Variants in KLHL1 observed in about 807,000 individuals in gnomAD.
KLHL1 encodes kelch like family member 1.
A neutral mutation model predicts 77.7 loss-of-function variants in KLHL1; 47 were observed. The observed-to-expected ratio is 0.60, with a 90% CI of 0.48 to 0.77. KLHL1 has a LOEUF of 0.77. Ranked by LOEUF, KLHL1 falls within the 30% of genes least tolerant of loss-of-function variation. The probability of loss-of-function intolerance (pLI) is 0.00; values close to 1 mark genes in which losing one functional copy is unlikely to be tolerated. For missense variants in KLHL1, 925 were observed against 910.8 expected (o/e 1.02, Z -0.20); for synonymous variants, 360 against 325.2 (o/e 1.11, Z -1.15).
intron 10 of KLHL1, among the ~76,000 whole-genome samples, 159 bp downstream of exon 10, chr13:69,707,466 T>C (rs551390539): frequency 6.8e-6 from 1 of 147,512 alleles, no homozygotes; most frequent in Non-Finnish European, 1.5e-5. Context: ...CAAGAATGTA[T>C]AATGAACTTT....
At chr13:70,005,957 C>A (rs1386609376) in intron 1 of KLHL1, among the ~76,000 whole-genome samples, 1 of 151,960 alleles carries the variant, frequency 6.6e-6, no homozygotes, top group Non-Finnish European at 1.5e-5. Context: ...GATCTCTAGA[C>A]CATTTTCATC....
chr13:70,093,250 A>G (rs1316846156), intron 1 of KLHL1, among the ~76,000 whole-genome samples: 1 of 152,082 alleles, frequency 6.6e-6, no homozygotes, highest in Non-Finnish European at 1.5e-5. Context: ...GAAATAGGAA[A>G]ATCAAGAACC....
intron 8 of KLHL1, among the ~76,000 whole-genome samples, chr13:69,738,989 G>A (rs1037322173): frequency 1.3e-5 from 2 of 152,064 alleles, no homozygotes; most frequent in African/African-American, 2.4e-5. Context: ...ACAATGCAAA[G>A]GGCAGCCAGA....
intron 1 of KLHL1, among the ~76,000 whole-genome samples, chr13:70,045,468 A>T (rs1886471630): frequency 6.6e-6 from 1 of 152,156 alleles, no homozygotes; most frequent in Non-Finnish European, 1.5e-5. Flanking sequence ...GAGGGCTAGA[A>T]GTAGAAGCCA....
At chr13:69,717,604 T>A (rs745460210) in intron 9 of KLHL1, among the ~76,000 whole-genome samples, 2 of 152,060 alleles carry the variant, frequency 1.3e-5, no homozygotes, top group Non-Finnish European at 2.9e-5. Context: ...TAAAGTCGAG[T>A]TGGATGAGAA....
At position 69,857,852 on chromosome 13, in the gene KLHL1, A is replaced by AAT. The variant is rs538264403; in HGVS notation, c.1228-18692_1228-18691dup. ...CCTAGAACTTAAAGTATAATATAAA[A>AAT]ATATATATATATAATGAAATTCATT... On this transcript the variant is annotated intron_variant, in intron 5 of 10. Transcript: ENST00000377844. Among the ~76,000 whole-genome samples the AAT allele has an allele frequency of 9.5e-3, 1,435 of 151,400 alleles. 22 individuals are homozygous for AAT. Among genetic ancestry groups the AAT allele is most frequent in the African/African-American group, 0.032 (1,333 of 41,406 alleles).
intron 6 of KLHL1, among the ~76,000 whole-genome samples, chr13:69,816,563 G>A (rs540763074): frequency 1.5e-4 from 23 of 152,050 alleles, no homozygotes; most frequent in African/African-American, 5.5e-4. Flanking sequence ...TGGCCTGGAA[G>A]TTGAATTTTT....
At chr13:69,841,024 T>G (rs1593878276) in intron 5 of KLHL1, among the ~76,000 whole-genome samples, 1 of 152,008 alleles carries the variant, frequency 6.6e-6, no homozygotes, top group African/African-American at 2.4e-5. Context: ...TCTTCTCTCC[T>G]TTTCACTCCT....
intron 7 of KLHL1, among the ~76,000 whole-genome samples, chr13:69,780,741 T>TATATAG (rs1876137600): frequency 1.6e-5 from 1 of 62,322 alleles, no homozygotes; most frequent in Non-Finnish European, 3.4e-5. Context: ...TACATATATA[T>TATATAG]ATACATATAT....
chr13:69,807,683 C>T (rs1877673383), intron 6 of KLHL1, among the ~76,000 whole-genome samples: 1 of 152,272 alleles, frequency 6.6e-6, no homozygotes, highest in African/African-American at 2.4e-5. Context: ...GACTGGAGAG[C>T]TTGCTCTGGA....
At chr13:70,083,834 C>T (rs1887453347) in intron 1 of KLHL1, among the ~76,000 whole-genome samples, 1 of 151,896 alleles carries the variant, frequency 6.6e-6, no homozygotes, top group Non-Finnish European at 1.5e-5. Context: ...TATATTTAAA[C>T]ACCACATTAT....
intron 4 of KLHL1, among the ~76,000 whole-genome samples, chr13:69,926,674 G>A (rs7338569): frequency 0.88 from 133,584 of 151,956 alleles, 59,331 homozygotes; most frequent in Non-Finnish European, 0.95. Context: ...CAGGCCGGGC[G>A]CGGTAGCTCA....
chr13:69,852,972 G>A (rs114146952), intron 5 of KLHL1, among the ~76,000 whole-genome samples: 1 of 151,916 alleles, frequency 6.6e-6, no homozygotes, highest in Non-Finnish European at 1.5e-5. Flanking sequence ...ATAATTTATT[G>A]GTTCCTAACT....
At chr13:69,806,849 A>G (rs1370891521) in intron 6 of KLHL1, among the ~76,000 whole-genome samples, 1 of 152,190 alleles carries the variant, frequency 6.6e-6, no homozygotes, top group Non-Finnish European at 1.5e-5. Flanking sequence ...GCCACTTGCA[A>G]TGATCCAAGG....
intron 7 of KLHL1, among the ~76,000 whole-genome samples, chr13:69,793,635 T>C (rs1166887296): frequency 6.6e-6 from 1 of 152,116 alleles, no homozygotes; most frequent in Non-Finnish European, 1.5e-5. Context: ...TGTTATTATA[T>C]ATTCAATTTT....
chr13:69,875,198 A>T (rs1220174593), intron 5 of KLHL1, among the ~76,000 whole-genome samples: 1 of 152,062 alleles, frequency 6.6e-6, no homozygotes, highest in Non-Finnish European at 1.5e-5. Flanking sequence ...GATTGATTGA[A>T]GTGGATTGAA....
chr13:69,835,416 A>G (rs1299770409), intron 6 of KLHL1, among the ~76,000 whole-genome samples: 1 of 152,134 alleles, frequency 6.6e-6, no homozygotes, highest in Non-Finnish European at 1.5e-5. Flanking sequence ...AGGAATACAA[A>G]AGCCAGCATC....
intron 1 of KLHL1, among the ~76,000 whole-genome samples, chr13:70,042,333 C>T (rs1245740624): frequency 1.3e-5 from 2 of 151,850 alleles, no homozygotes; most frequent in East Asian, 1.9e-4. Context: ...TTAACTGAGG[C>T]TTTAGTAATA....
Position 70,107,442 on chromosome 13 carries a change from G to C in KLHL1, c.258C>G (p.Ser86=). 1 of 1,614,138 alleles carries C rather than the reference G, an allele frequency of 6.2e-7. No individual in the cohort carries two copies. Among genetic ancestry groups the C allele is most frequent in the Non-Finnish European group, 8.5e-7 (1 of 1,180,016 alleles). Residue 86 remains serine, a synonymous_variant, in exon 1 of 11, where the codon TCC becomes TCG. Coordinates refer to ENST00000377844, the MANE Select transcript of KLHL1 (RefSeq NM_020866.3). ...TGCCATTCAGCGGATTGAAGGAAGA[G>C]GAGGAAGAGGACGGGGAGGACGATG... ...SSSSSSPSSS[S]SSFNPLNGTL...
Sources: allele counts gnomAD v4.1 joint callset (sites outside exome capture counted in the v4.1 genomes callset), GRCh38; gene constraint gnomAD v4.1.1; transcripts MANE v1.5; gene names NCBI Gene and HGNC (gene_info 2026-07-23, HGNC 2026-07-21).